The following GRAMD1C variants were observed in gnomAD, a reference collection of about 807,000 sequenced individuals.
GRAMD1C encodes the protein protein Aster-C.
A neutral mutation model predicts 97.8 loss-of-function variants in GRAMD1C; 89 were observed. The observed-to-expected ratio is 0.91, with a 90% CI of 0.77 to 1.09. The LOEUF (loss-of-function observed/expected upper bound fraction) is 1.09, where lower values mean the gene tolerates loss of function less well. GRAMD1C is among the 50% of genes least tolerant of loss of function. The pLI is 0.00. For missense variants in GRAMD1C, 740 were observed against 766.4 expected (o/e 0.97, Z 0.41); for synonymous variants, 256 against 267.0 (o/e 0.96, Z 0.40).
intron 17 of GRAMD1C, among the ~76,000 whole-genome samples, chr3:113,942,674 T>A (rs190780910): frequency 8.3e-4 from 127 of 152,350 alleles, no homozygotes; most frequent in African/African-American, 3.0e-3. Flanking sequence ...GTTTCTGGTA[T>A]GTACTGCTAT....
At chr3:113,844,743 T>G in intron 2 of GRAMD1C, 94 bp downstream of exon 2, 1 of 852,232 alleles carries the variant, frequency 1.2e-6, no homozygotes, top group Non-Finnish European at 1.8e-6. Context: ...ATTTCCTTCT[T>G]AGCTTCTAGA....
rs543261022 is a variant in GRAMD1C, at chr3:113,918,342, T to G, written c.1090+2504T>G. The stretch of plus-strand genomic sequence containing the variant: ...GAACTGGATACATTATTTCCCTGAA[T>G]TTTTTGAGAGGATACCTGTTAATGT... On this transcript the variant is annotated intron_variant, in intron 10 of 17. Transcript: ENST00000358160. 2.6e-5 allele frequency among the ~76,000 whole-genome samples: 4 copies of G among 152,224 alleles called. No homozygotes were observed. In the South Asian group the frequency reaches 8.3e-4, roughly 32 times the overall value.
intron 2 of GRAMD1C, among the ~76,000 whole-genome samples, chr3:113,866,262 A>T (rs1485968381): frequency 6.6e-6 from 1 of 152,138 alleles, no homozygotes; most frequent in Non-Finnish European, 1.5e-5. Flanking sequence ...TTGTTTATGC[A>T]TTTATGATTA....
chr3:113,945,316 TA>T, intron 17 of GRAMD1C, 81 bp from the exon 18 acceptor site: 1 of 794,464 alleles, frequency 1.3e-6, no homozygotes, highest in Non-Finnish European at 2.2e-6. Context: ...AGTGTCACTG[TA>T]AATTTTGGGC....
Position 113,844,503 on chromosome 3 carries a change from G to T in GRAMD1C, c.28G>T (p.Val10Leu), listed in dbSNP as rs562411629. The change falls in exon 2 of 18, where the codon GTG (valine) becomes TTG (leucine). Residue 10 changes from valine (V) to leucine (L), a missense_variant and splice_region_variant. Val to Leu is a conservative substitution (Grantham distance 32). Coordinates refer to ENST00000358160, the MANE Select transcript of GRAMD1C (RefSeq NM_017577.5). ...GACTTAGTTTGATATTTGTTTCCAG[G>T]TGATGAATGAAGGGGATTCAAGCCT... The part of the protein sequence containing the change: MEGAPTVRQ[V>L]MNEGDSSLAT... The T allele has an allele frequency of 1.3e-6, 2 of 1,590,924 alleles. No individual in the cohort carries two copies. The highest frequency in any genetic ancestry group is 1.7e-5 in the Admixed American group (1 of 57,320).
At position 113,940,353 on chromosome 3, in the gene GRAMD1C, A is replaced by G; in HGVS notation, c.1908+8A>G. 7.5e-7 allele frequency: 1 copy of G among 1,330,396 alleles called. No homozygotes were observed. 82.4% of individuals were successfully genotyped at this position (1,330,396 alleles called of 1,614,324 possible). On this transcript the variant is annotated splice_region_variant and intron_variant, in intron 17 of 17. Coordinates refer to ENST00000358160, the MANE Select transcript of GRAMD1C (RefSeq NM_017577.5). Reference sequence around the variant, plus strand: ...ATAGTGATGCTTGAACAGGTAGGCAACTCGATACATCACAGTACTTAGTAT... The same window carrying G: ...ATAGTGATGCTTGAACAGGTAGGCAGCTCGATACATCACAGTACTTAGTAT...
intron 6 of GRAMD1C, among the ~76,000 whole-genome samples, chr3:113,886,304 G>T (rs1166398100): frequency 6.6e-6 from 1 of 152,216 alleles, no homozygotes; most frequent in South Asian, 2.1e-4. Context: ...TAGGGGAGCC[G>T]AATCAGTGTT....
intron 1 of GRAMD1C, 143 bp downstream of exon 1, chr3:113,839,079 T>C (rs1265078856): frequency 1.4e-5 from 8 of 554,506 alleles, no homozygotes; most frequent in Non-Finnish European, 1.9e-5. Flanking sequence ...TACGGAAAGT[T>C]GTTACCGAGG....
chr3:113,834,381 G>C (rs972071813), upstream of GRAMD1C, among the ~76,000 whole-genome samples: 1 of 151,958 alleles, frequency 6.6e-6, no homozygotes, highest in African/African-American at 2.4e-5. Context: ...GTTTCACCAT[G>C]ATGGTCAGGC....
intron 12 of GRAMD1C, among the ~76,000 whole-genome samples, 180 bp from the exon 13 acceptor site, chr3:113,934,252 A>C (rs1283694246): frequency 6.6e-6 from 1 of 152,230 alleles, no homozygotes; most frequent in Non-Finnish European, 1.5e-5. Flanking sequence ...TGATGAAATT[A>C]TTAGCAGCAC....
intron 2 of GRAMD1C, among the ~76,000 whole-genome samples, chr3:113,849,901 G>A (rs1414992941): frequency 6.7e-6 from 1 of 150,210 alleles, no homozygotes; most frequent in African/African-American, 2.4e-5. Flanking sequence ...TCCCGGACGG[G>A]GCGGCTGGCC....
chr3:113,931,088 T>TATATATAGTAATA (rs1937401442), intron 11 of GRAMD1C, among the ~76,000 whole-genome samples: 1 of 152,202 alleles, frequency 6.6e-6, no homozygotes, highest in African/African-American at 2.4e-5. Context: ...AGTAATGGTA[T>TATATATAGTAATA]TACAGCTGTG....
chr3:113,931,832 A>G (rs903554667), intron 11 of GRAMD1C, among the ~76,000 whole-genome samples: 3 of 152,056 alleles, frequency 2.0e-5, no homozygotes, highest in Non-Finnish European at 4.4e-5. Flanking sequence ...AGGCTGAGGC[A>G]GGAGGATCGC....
At chr3:113,838,530 CT>C (rs1451428439), upstream of GRAMD1C, 1 of 191,082 alleles carries the variant, frequency 5.2e-6, no homozygotes, top group Non-Finnish European at 1.1e-5. Flanking sequence ...GAGACGGGGC[CT>C]TGGCACTCCA....
At chr3:113,917,873 T>C (rs2107344379) in intron 10 of GRAMD1C, among the ~76,000 whole-genome samples, 1 of 145,124 alleles carries the variant, frequency 6.9e-6, no homozygotes, top group South Asian at 2.2e-4. Context: ...TTTTTTTTTT[T>C]TTTTTTTTGG....
chr3:113,933,441 G>A, intron 11 of GRAMD1C, 70 bp from the exon 12 acceptor site: 2 of 1,084,948 alleles, frequency 1.8e-6, no homozygotes, highest in South Asian at 1.4e-5. Flanking sequence ...TAATATACAT[G>A]TTCTAAATTG....
At chr3:113,927,412 G>C (rs1206508394) in intron 10 of GRAMD1C, among the ~76,000 whole-genome samples, 3 of 152,088 alleles carry the variant, frequency 2.0e-5, no homozygotes, top group Non-Finnish European at 1.5e-5. Context: ...TGCTTGCCAG[G>C]TCAACCCTGC....
At chr3:113,842,944 CA>C (rs1195505128) in intron 1 of GRAMD1C, among the ~76,000 whole-genome samples, 1 of 148,612 alleles carries the variant, frequency 6.7e-6, no homozygotes. Context: ...GCCTAGGCGA[CA>C]GAGTGAGACT....
intron 6 of GRAMD1C, among the ~76,000 whole-genome samples, chr3:113,886,633 AT>A (rs1447821344): frequency 6.6e-6 from 1 of 152,154 alleles, no homozygotes; most frequent in Non-Finnish European, 1.5e-5. Context: ...TGAAAAAAAA[AT>A]AAATTAGAAA....
Sources: gnomAD v4.1 joint callset for allele counts (sites outside exome capture counted in the v4.1 genomes callset) on GRCh38, gnomAD v4.1.1 for gene constraint, MANE v1.5 for transcripts, NCBI Gene and HGNC (gene_info 2026-07-23, HGNC 2026-07-21) for gene names.